Variants in RGL1 observed in about 807,000 individuals in gnomAD.
The protein encoded by RGL1 is ral guanine nucleotide dissociation stimulator like 1.
In RGL1, 24 loss-of-function variants were observed where a neutral mutation model predicts 95.2. That is an observed-to-expected ratio of 0.25 (90% CI 0.18 to 0.35). The LOEUF is 0.35. Ranked by LOEUF, RGL1 falls within the 10% of genes least tolerant of loss-of-function variation. The probability of loss-of-function intolerance (pLI) is 1.00; values close to 1 mark genes in which losing one functional copy is unlikely to be tolerated. For missense variants in RGL1, 715 were observed against 936.3 expected (o/e 0.76, Z 3.08); for synonymous variants, 329 against 344.9 (o/e 0.95, Z 0.51).
At chr1:183,666,566 T>A (rs1652052788) in intron 1 of RGL1, among the ~76,000 whole-genome samples, 1 of 152,072 alleles carries the variant, frequency 6.6e-6, no homozygotes, top group African/African-American at 2.4e-5. Context: ...TTTCCCAGGC[T>A]GGTCTCGGAC....
chr1:183,869,146 A>G (rs1425095524), intron 4 of RGL1, among the ~76,000 whole-genome samples: 2 of 152,210 alleles, frequency 1.3e-5, no homozygotes, highest in Admixed American at 6.5e-5. Flanking sequence ...ATAATAAAAA[A>G]ATCCAGAGCT....
At chr1:183,764,886 AC>A (rs1217316155) in intron 2 of RGL1, among the ~76,000 whole-genome samples, 4 of 152,218 alleles carry the variant, frequency 2.6e-5, no homozygotes, top group African/African-American at 9.6e-5. Context: ...TGGCCTGATT[AC>A]CCATATAAAG....
At chr1:183,874,561 C>CT (rs1666375609) in intron 4 of RGL1, among the ~76,000 whole-genome samples, 1 of 151,554 alleles carries the variant, frequency 6.6e-6, no homozygotes, top group Non-Finnish European at 1.5e-5. Context: ...GTTGCCCTTG[C>CT]CTTCTTAGTG....
chr1:183,707,419 T>A (rs901179385), intron 1 of RGL1, among the ~76,000 whole-genome samples: 7 of 151,998 alleles, frequency 4.6e-5, no homozygotes, highest in Admixed American at 2.0e-4. Context: ...ACATGAACTC[T>A]AACAATATCT....
chr1:183,713,381 C>CA (rs1553273645), intron 1 of RGL1, among the ~76,000 whole-genome samples: 2 of 133,942 alleles, frequency 1.5e-5, no homozygotes, highest in Non-Finnish European at 3.2e-5. Context: ...GAGGCACCCC[C>CA]CCCCCCCGCT....
chr1:183,787,187 A>G (rs986199099), intron 2 of RGL1, among the ~76,000 whole-genome samples: 9 of 152,134 alleles, frequency 5.9e-5, no homozygotes, highest in Non-Finnish European at 1.3e-4. Flanking sequence ...CCGGTCTGTG[A>G]TGGCCTCACA....
intron 1 of RGL1, among the ~76,000 whole-genome samples, chr1:183,665,846 A>C (rs1200410458): frequency 1.3e-5 from 2 of 152,012 alleles, no homozygotes; most frequent in African/African-American, 4.8e-5. Context: ...TTTCGGTTTA[A>C]TGATTTTCTC....
chr1:183,753,312 T>C (rs1419211858), intron 2 of RGL1, among the ~76,000 whole-genome samples: 1 of 152,234 alleles, frequency 6.6e-6, no homozygotes, highest in Non-Finnish European at 1.5e-5. Context: ...AGTTTTGTTT[T>C]GTTCTTTAAA....
intron 9 of RGL1, among the ~76,000 whole-genome samples, chr1:183,895,821 G>A (rs1157424700): frequency 1.3e-5 from 2 of 152,142 alleles, no homozygotes; most frequent in South Asian, 4.1e-4. Context: ...TAGATCTCTA[G>A]CAGGGATGGA....
At chr1:183,915,482 T>C (rs1260225463) in intron 15 of RGL1, among the ~76,000 whole-genome samples, 1 of 152,252 alleles carries the variant, frequency 6.6e-6, no homozygotes, top group African/African-American at 2.4e-5. Flanking sequence ...ATATTAACTG[T>C]AGTACTCCAT....
At chr1:183,783,902 G>A (rs1225880775) in intron 2 of RGL1, among the ~76,000 whole-genome samples, 1 of 152,186 alleles carries the variant, frequency 6.6e-6, no homozygotes, top group Non-Finnish European at 1.5e-5. Context: ...AGGGTGTGGA[G>A]TTGTCAGGAA....
intron 2 of RGL1, among the ~76,000 whole-genome samples, chr1:183,780,943 TGCA>T (rs1326190798): frequency 1.1e-4 from 17 of 152,238 alleles, no homozygotes. Flanking sequence ...GCCAGTTCTC[TGCA>T]GCTGGTTTAT....
chr1:183,699,525 T>C (rs983090902), intron 1 of RGL1, among the ~76,000 whole-genome samples: 1 of 152,302 alleles, frequency 6.6e-6, no homozygotes, highest in East Asian at 1.9e-4. Flanking sequence ...TATTATCCTA[T>C]TGTCTGAAGA....
intron 2 of RGL1, among the ~76,000 whole-genome samples, chr1:183,752,173 T>G (rs538123540): frequency 2.6e-5 from 4 of 152,182 alleles, no homozygotes; most frequent in Non-Finnish European, 5.9e-5. Flanking sequence ...TCATCCACAG[T>G]GCATAAGAGT....
At chr1:183,827,851 TC>T (rs1203463144) in intron 2 of RGL1, among the ~76,000 whole-genome samples, 19 of 152,340 alleles carry the variant, frequency 1.2e-4, no homozygotes, top group African/African-American at 4.1e-4. Context: ...AGGGAAAGTG[TC>T]CCCACTTTAA....
At chr1:183,650,558 A>G (rs1472405777) in intron 1 of RGL1, among the ~76,000 whole-genome samples, 1 of 152,142 alleles carries the variant, frequency 6.6e-6, no homozygotes, top group Non-Finnish European at 1.5e-5. Flanking sequence ...GAAAAACAAA[A>G]AACACAATAT....
intron 1 of RGL1, among the ~76,000 whole-genome samples, chr1:183,738,333 A>G (rs1162227495): frequency 6.6e-6 from 1 of 152,106 alleles, no homozygotes; most frequent in Non-Finnish European, 1.5e-5. Context: ...AGGCATGAGA[A>G]TCGCTTGAAC....
intron 2 of RGL1, among the ~76,000 whole-genome samples, chr1:183,822,960 A>C (rs1044370242): frequency 6.6e-6 from 1 of 152,192 alleles, no homozygotes; most frequent in Non-Finnish European, 1.5e-5. Context: ...TTAATGCCAG[A>C]CATCTTTAAA....
At chr1:183,687,259 T>C (rs1161553973) in intron 1 of RGL1, among the ~76,000 whole-genome samples, 2 of 152,216 alleles carry the variant, frequency 1.3e-5, no homozygotes, top group African/African-American at 4.8e-5. Flanking sequence ...GCAGAAACTT[T>C]TATCTTGTCA....
Sources: gnomAD v4.1 joint callset for allele counts (sites outside exome capture counted in the v4.1 genomes callset) on GRCh38, gnomAD v4.1.1 for gene constraint, MANE v1.5 for transcripts, NCBI Gene and HGNC (gene_info 2026-07-23, HGNC 2026-07-21) for gene names.